The following AGBL1 variants were observed in gnomAD, a reference collection of about 807,000 sequenced individuals.
The protein encoded by AGBL1 is cytosolic carboxypeptidase 4.
Under a neutral mutation model 118.9 loss-of-function variants are expected in AGBL1, and 130 were observed. The observed-to-expected ratio is 1.09, with a 90% CI of 0.95 to 1.26. The LOEUF is 1.26. Ranked by LOEUF, AGBL1 falls within the 50% of genes most tolerant of loss-of-function variation. The pLI, the probability that AGBL1 is intolerant of heterozygous loss-of-function variation, is 0.00. For missense variants in AGBL1, 1,584 were observed against 1,298.1 expected, an observed-to-expected ratio of 1.22 and a Z score of -3.38; for synonymous variants, 555 against 478.9, an observed-to-expected ratio of 1.16 and a Z score of -2.08.
chr15:86,629,326 G>T (rs2084931934), intron 21 of AGBL1, among the ~76,000 whole-genome samples: 2 of 152,102 alleles, frequency 1.3e-5, no homozygotes, highest in Admixed American at 6.6e-5. Flanking sequence ...ATTCATGTTT[G>T]CTGGGCAAAA....
downstream of AGBL1, among the ~76,000 whole-genome samples, chr15:86,920,154 C>T (rs1230361453): frequency 2.0e-5 from 3 of 152,166 alleles, no homozygotes; most frequent in African/African-American, 2.4e-5. Flanking sequence ...TATCTGGAAG[C>T]TCAGGGAAAG....
intron 5 of AGBL1, among the ~76,000 whole-genome samples, chr15:86,191,316 C>G (rs1179024182): frequency 7.4e-6 from 1 of 135,402 alleles, no homozygotes; most frequent in Non-Finnish European, 1.5e-5. Flanking sequence ...CCATTGCATT[C>G]CAGCCTGGGC....
chr15:86,661,211 A>G (rs953856658), intron 21 of AGBL1, among the ~76,000 whole-genome samples: 6 of 152,238 alleles, frequency 3.9e-5, no homozygotes, highest in African/African-American at 1.4e-4. Context: ...GCATAAGATC[A>G]TTGGGGATTG....
In AGBL1 at chr15:86,614,808, G is replaced by T. The variant is rs2084699885; in HGVS notation, c.2995-59465G>T. 2.0e-5 allele frequency among the ~76,000 whole-genome samples: 3 copies of T among 152,176 alleles called. 1 individual carries two copies. The highest frequency in any genetic ancestry group is 2.0e-4 in the Admixed American group (3 of 15,266). ...GGAATGAAGTGGAAAAAACCAGATT[G>T]TCATATAATCTACTGATCGTAAGAA... On this transcript the variant is annotated intron_variant, in intron 21 of 22. Coordinates refer to ENST00000614907, the MANE Select transcript of AGBL1 (RefSeq NM_001386094.1).
intron 22 of AGBL1, among the ~76,000 whole-genome samples, chr15:86,844,886 G>A (rs1312555774): frequency 1.3e-5 from 2 of 152,050 alleles, no homozygotes; most frequent in African/African-American, 4.8e-5. Flanking sequence ...AGGTAAGAGT[G>A]TAAGTTAATT....
At chr15:86,150,702 C>G (rs2077096026) in intron 3 of AGBL1, among the ~76,000 whole-genome samples, 1 of 152,188 alleles carries the variant, frequency 6.6e-6, no homozygotes, top group Non-Finnish European at 1.5e-5. Flanking sequence ...CAAAGAGGAG[C>G]TTGTACCATT....
chr15:86,176,169 A>G (rs909321060), intron 5 of AGBL1, among the ~76,000 whole-genome samples: 1 of 152,178 alleles, frequency 6.6e-6, no homozygotes, highest in African/African-American at 2.4e-5. Flanking sequence ...AAGTTCCCTG[A>G]TTGTGCTAGC....
intron 22 of AGBL1, among the ~76,000 whole-genome samples, chr15:86,877,157 C>T (rs983292167): frequency 1.3e-5 from 2 of 152,084 alleles, no homozygotes; most frequent in African/African-American, 2.4e-5. Context: ...GCCCCATAAC[C>T]AATCCCTGCC....
At chr15:86,898,818 T>C (rs2080169583) in intron 22 of AGBL1, among the ~76,000 whole-genome samples, 1 of 151,898 alleles carries the variant, frequency 6.6e-6, no homozygotes, top group South Asian at 2.1e-4. Context: ...ATTGAAGAAA[T>C]GCAAATCAAA....
At chr15:86,674,767 C>T (rs572663721) in intron 22 of AGBL1, among the ~76,000 whole-genome samples, 2 of 152,112 alleles carry the variant, frequency 1.3e-5, no homozygotes, top group East Asian at 1.9e-4. Context: ...ATACAGATAA[C>T]ATTTTTGAGC....
At chr15:86,755,060 CAT>C (rs2077915913) in intron 22 of AGBL1, among the ~76,000 whole-genome samples, 1 of 151,958 alleles carries the variant, frequency 6.6e-6, no homozygotes, top group African/African-American at 2.4e-5. Flanking sequence ...TTGCATCATC[CAT>C]ATATATGTCT....
chr15:86,426,891 A>G (rs2081873959), intron 18 of AGBL1, among the ~76,000 whole-genome samples: 1 of 152,042 alleles, frequency 6.6e-6, no homozygotes, highest in Non-Finnish European at 1.5e-5. Flanking sequence ...TCAGCCTCCC[A>G]AGTAGCTGAG....
intron 21 of AGBL1, among the ~76,000 whole-genome samples, chr15:86,587,670 C>T (rs1596292803): frequency 2.0e-5 from 3 of 152,242 alleles, no homozygotes; most frequent in Admixed American, 2.0e-4. Flanking sequence ...TATATATTTT[C>T]TTTAAAAGTA....
intron 21 of AGBL1, among the ~76,000 whole-genome samples, chr15:86,648,517 C>T (rs2085322104): frequency 1.3e-5 from 2 of 151,936 alleles, no homozygotes; most frequent in South Asian, 2.1e-4. Flanking sequence ...CAGGTGGGGA[C>T]AATATAAACA....
At chr15:86,247,179 C>A (rs1037960297) in intron 6 of AGBL1, among the ~76,000 whole-genome samples, 1 of 152,108 alleles carries the variant, frequency 6.6e-6, no homozygotes, top group Non-Finnish European at 1.5e-5. Flanking sequence ...CCCAATAATG[C>A]CTTTTATAGC....
chr15:86,800,250 G>C (rs1052762619), intron 22 of AGBL1, among the ~76,000 whole-genome samples: 1 of 152,050 alleles, frequency 6.6e-6, no homozygotes, highest in Admixed American at 6.6e-5. Context: ...ATATTTATGA[G>C]CTGTAGTTTG....
intron 8 of AGBL1, among the ~76,000 whole-genome samples, chr15:86,257,632 T>G (rs760065480): frequency 1.3e-5 from 2 of 152,234 alleles, no homozygotes; most frequent in African/African-American, 2.4e-5. Context: ...TTGTGTGTGA[T>G]CTCTAAACTT....
chr15:86,098,817 A>G (rs1362202943), intron 1 of AGBL1, among the ~76,000 whole-genome samples: 1 of 151,976 alleles, frequency 6.6e-6, no homozygotes, highest in Non-Finnish European at 1.5e-5. Context: ...TGGTTCTATA[A>G]AAATTTTAGA....
chr15:86,500,609 CA>C (rs5814245), intron 18 of AGBL1, among the ~76,000 whole-genome samples: 151,831 of 151,834 alleles, frequency 1, 75,914 homozygotes, highest in Middle Eastern at 1. Context: ...CATTCCAGTA[CA>C]ATTTTCATCT....
Sources: gnomAD v4.1 joint callset for allele counts (sites outside exome capture counted in the v4.1 genomes callset) on GRCh38, gnomAD v4.1.1 for gene constraint, MANE v1.5 for transcripts, NCBI Gene and HGNC (gene_info 2026-07-23, HGNC 2026-07-21) for gene names.